SYNE1: variants seen among roughly 807,000 people sequenced by gnomAD.
SYNE1 encodes nesprin-1.
SYNE1 carries 616 observed loss-of-function variants against 1,111.0 expected under a neutral mutation model. The ratio of observed to expected loss-of-function variants is 0.55; its 90% CI spans 0.52 to 0.59. SYNE1 has a LOEUF of 0.59. Ranked by LOEUF, SYNE1 falls within the 20% of genes least tolerant of loss-of-function variation. SYNE1 has a pLI of 0.00. For synonymous variants in SYNE1, 3,855 were observed against 3,825.8 expected (o/e 1.01, Z -0.28); for missense variants, 10,006 against 10,417.0 (o/e 0.96, Z 1.72).
chr6:152,462,462 A>G, intron 20 of SYNE1: 2 of 574,326 alleles, frequency 3.5e-6, no homozygotes, highest in Non-Finnish European at 6.1e-6. Context: ...TGCTATCTAT[A>G]GATGTCTCCT....
At chr6:152,499,181 G>A (rs1014035573) in intron 10 of SYNE1, among the ~76,000 whole-genome samples, 4 of 152,084 alleles carry the variant, frequency 2.6e-5, no homozygotes, top group African/African-American at 7.2e-5. Flanking sequence ...TTAAGAATGT[G>A]TTGTGCTTCT....
chr6:152,416,332 T>C, intron 41 of SYNE1, 55 bp downstream of exon 41: 1 of 1,607,262 alleles, frequency 6.2e-7, no homozygotes, highest in South Asian at 1.1e-5. Flanking sequence ...AAAAGTTAAT[T>C]CCAGAACAAA....
intron 39 of SYNE1, among the ~76,000 whole-genome samples, chr6:152,424,034 T>C (rs892721675): frequency 1.3e-5 from 2 of 152,210 alleles, no homozygotes; most frequent in Non-Finnish European, 2.9e-5. Flanking sequence ...CTTGCTTAGT[T>C]ATGTATTTAT....
rs528130407 is a variant in SYNE1, at chr6:152,318,429, G to A, written c.16390-166C>T. 473 of 766,696 alleles carry A rather than the reference G, an allele frequency of 6.2e-4. 2 individuals are homozygous for A. The highest frequency in any genetic ancestry group is 5.0e-3 in the African/African-American group (286 of 57,734). The allele number at this position is 766,696 out of a possible 1,614,324, so 47.5% of individuals were successfully genotyped here. Reference sequence around the variant, plus strand: ...TTGTTTCTTCGGTTGGAAAGGCAGGGCAGGATATGTTGTAATGCTGGTGTT... The same window carrying A: ...TTGTTTCTTCGGTTGGAAAGGCAGGACAGGATATGTTGTAATGCTGGTGTT... On this transcript the variant is annotated intron_variant, in intron 85 of 145. Coordinates refer to ENST00000367255, the MANE Select transcript of SYNE1 (RefSeq NM_182961.4).
chr6:152,499,425 G>A (rs549668992), intron 10 of SYNE1, among the ~76,000 whole-genome samples: 21 of 151,866 alleles, frequency 1.4e-4, no homozygotes, highest in Non-Finnish European at 1.8e-4. Flanking sequence ...AAATGGTATC[G>A]ATAAAATACT....
chr6:152,144,293 G>C, intron 137 of SYNE1: 1 of 211,240 alleles, frequency 4.7e-6, no homozygotes, highest in East Asian at 1.2e-4. Flanking sequence ...CAAGAAAAGA[G>C]TGCCTCAGAA....
chr6:152,353,233 T>G, intron 69 of SYNE1, 30 bp downstream of exon 69: 1 of 1,613,978 alleles, frequency 6.2e-7, no homozygotes, highest in Non-Finnish European at 8.5e-7. Flanking sequence ...ACGGAAAGGT[T>G]GGATACAAAT....
intron 98 of SYNE1, among the ~76,000 whole-genome samples, chr6:152,269,943 G>C (rs2093062891): frequency 6.6e-6 from 1 of 152,100 alleles, no homozygotes; most frequent in African/African-American, 2.4e-5. Flanking sequence ...CTAAACAAGG[G>C]TTTCCCAGGC....
intron 78 of SYNE1, among the ~76,000 whole-genome samples, chr6:152,327,254 C>T (rs1347037516): frequency 1.3e-5 from 2 of 151,790 alleles, no homozygotes; most frequent in South Asian, 2.1e-4. Flanking sequence ...CGTTTCACTG[C>T]ACCCCAGACT....
chr6:152,503,157 T>C (rs954834667), intron 9 of SYNE1, among the ~76,000 whole-genome samples: 3 of 152,100 alleles, frequency 2.0e-5, no homozygotes, highest in Non-Finnish European at 4.4e-5. Context: ...CAAAAATGCT[T>C]ACAAGTGTGA....
chr6:152,224,936 C>T (rs1357411034), intron 116 of SYNE1, among the ~76,000 whole-genome samples: 18 of 144,254 alleles, frequency 1.2e-4, no homozygotes, highest in Admixed American at 1.2e-3. Context: ...TACATATATA[C>T]ATATGTATAC....
intron 127 of SYNE1, among the ~76,000 whole-genome samples, chr6:152,190,864 G>C (rs1485240135): frequency 6.6e-6 from 1 of 152,206 alleles, no homozygotes; most frequent in African/African-American, 2.4e-5. Flanking sequence ...AGATCTTAGA[G>C]GAAAGGCTTT....
intron 140 of SYNE1, 67 bp downstream of exon 140, chr6:152,139,883 C>CA: frequency 1.3e-6 from 2 of 1,554,376 alleles, no homozygotes; most frequent in Non-Finnish European, 1.8e-6. Flanking sequence ...CTAGAGGTGC[C>CA]ATCTGCACGG....
intron 3 of SYNE1, among the ~76,000 whole-genome samples, chr6:152,562,145 T>G (rs1321629280): frequency 6.6e-6 from 1 of 152,092 alleles, no homozygotes; most frequent in East Asian, 1.9e-4. Context: ...GAGAAAATAT[T>G]TGCAAACCAC....
chr6:152,242,332 G>A lies in SYNE1; in HGVS notation c.19801C>T (p.Leu6601=), dbSNP rs2085921786. 1.2e-6 allele frequency: 2 copies of A among 1,613,868 alleles called. No homozygotes were observed. The highest frequency in any genetic ancestry group is 1.3e-5 in the African/African-American group (1 of 74,870). Residue 6601 remains leucine (L), a synonymous_variant, in exon 107 of 146, where the codon CTG becomes TTG. Coordinates refer to ENST00000367255, the MANE Select transcript of SYNE1 (RefSeq NM_182961.4). ...ATCTTCTCCTGACCAGTTTCTAGCA[G>A]GTCAGCCAGATCTTGTAGGGCCCTC... ...YERALQDLAD[L]LETGQEKMAG...
intron 105 of SYNE1, among the ~76,000 whole-genome samples, chr6:152,246,310 A>G (rs6940845): frequency 0.74 from 112,977 of 151,714 alleles, 42,603 homozygotes; most frequent in East Asian, 0.9. Flanking sequence ...GGAGGAAAAC[A>G]GATTATACAG....
intron 24 of SYNE1, 25 bp from the exon 25 acceptor site, chr6:152,453,745 A>G: frequency 5.6e-6 from 9 of 1,614,032 alleles, no homozygotes; most frequent in Non-Finnish European, 6.8e-6. Flanking sequence ...GAAAGTGGGT[A>G]AGAGTGTTGG....
chr6:152,261,475 C>A (rs1314117202), intron 101 of SYNE1, among the ~76,000 whole-genome samples: 1 of 152,188 alleles, frequency 6.6e-6, no homozygotes, highest in Non-Finnish European at 1.5e-5. Flanking sequence ...CCAAGCCCGA[C>A]AGCACACAGT....
chr6:152,214,891 T>C lies in SYNE1; in HGVS notation c.22346+15A>G, dbSNP rs1440699744. The C allele has an allele frequency of 1.9e-6, 3 of 1,614,024 alleles. No homozygotes were observed. The highest frequency in any genetic ancestry group is 1.7e-6 in the Non-Finnish European group (2 of 1,179,952). On this transcript the variant is annotated intron_variant, in intron 122 of 145. Transcript: ENST00000367255. ...AGACAACTGGAGCAACCAAGACATC[T>C]CTTGTTTACTCTACCTGAATCTTTC...
Sources: gnomAD v4.1 joint callset for allele counts (sites outside exome capture counted in the v4.1 genomes callset) on GRCh38, gnomAD v4.1.1 for gene constraint, MANE v1.5 for transcripts, NCBI Gene and HGNC (gene_info 2026-07-23, HGNC 2026-07-21) for gene names.